The following PLD5 variants were observed in gnomAD, a reference collection of about 807,000 sequenced individuals.
PLD5 encodes the protein phospholipase D family member 5, also known as inactive phospholipase D5.
A neutral mutation model predicts 61.1 loss-of-function variants in PLD5; 36 were observed. The observed-to-expected ratio is 0.59, with a 90% confidence interval of 0.45 to 0.78. PLD5 has a LOEUF of 0.78. Ranked by LOEUF, PLD5 falls within the 30% of genes least tolerant of loss-of-function variation. The pLI, the probability that PLD5 is intolerant of heterozygous loss-of-function variation, is 0.00. For synonymous variants in PLD5, 243 were observed against 242.8 expected, an observed-to-expected ratio of 1.00 and a Z score of -0.01; for missense variants, 515 against 644.4, an observed-to-expected ratio of 0.80 and a Z score of 2.17.
intron 1 of PLD5, among the ~76,000 whole-genome samples, chr1:242,397,769 TTTC>T (rs199697142): frequency 0.27 from 39,370 of 146,890 alleles, 5,251 homozygotes; most frequent in Middle Eastern, 0.37. Context: ...AGCACGTCTT[TTTC>T]TTCTTCTTCT....
At chr1:242,491,457 C>T (rs1668149597) in intron 1 of PLD5, among the ~76,000 whole-genome samples, 1 of 152,194 alleles carries the variant, frequency 6.6e-6, no homozygotes. Context: ...CAACCCTTTA[C>T]AAGGCAAACA....
At position 242,478,577 on chromosome 1, in the gene PLD5, G is replaced by A. The variant is rs984218558; in HGVS notation, c.189+45511C>T. Among the ~76,000 whole-genome samples, 26 of 152,258 alleles carry A rather than the reference G, an allele frequency of 1.7e-4. 1 individual carries two copies. The highest frequency in any genetic ancestry group is 1.6e-3 in the Admixed American group (24 of 15,298). ...AATGTGAAGATCGTAAGTGTGTCTT[G>A]AAAAGGTTCAAGCTTACAAACATAA... On this transcript the variant is annotated intron_variant, in intron 1 of 9. Transcript: ENST00000536534.
At chr1:242,394,898 T>A (rs865790174) in intron 1 of PLD5, among the ~76,000 whole-genome samples, 34 of 102,550 alleles carry the variant, frequency 3.3e-4, no homozygotes, top group South Asian at 6.2e-4. Flanking sequence ...ATATATATGA[T>A]TATATATGAA....
At chr1:242,259,785 A>T (rs1398005864) in intron 4 of PLD5, among the ~76,000 whole-genome samples, 1 of 152,034 alleles carries the variant, frequency 6.6e-6, no homozygotes, top group East Asian at 1.9e-4. Flanking sequence ...TAGTCATATT[A>T]TAGAAAGTAC....
At chr1:242,271,286 A>G (rs1420384529) in intron 3 of PLD5, among the ~76,000 whole-genome samples, 1 of 150,564 alleles carries the variant, frequency 6.6e-6, no homozygotes, top group Non-Finnish European at 1.5e-5. Flanking sequence ...ATATAAATAG[A>G]GGAGATACAG....
intron 5 of PLD5, among the ~76,000 whole-genome samples, chr1:242,150,241 A>G (rs558873866): frequency 9.2e-5 from 14 of 151,526 alleles, no homozygotes; most frequent in African/African-American, 3.1e-4. Context: ...GGCTCTCTTG[A>G]GATATGTTCC....
intron 5 of PLD5, among the ~76,000 whole-genome samples, chr1:242,164,800 G>C (rs1666180049): frequency 6.6e-6 from 1 of 152,140 alleles, no homozygotes; most frequent in African/African-American, 2.4e-5. Flanking sequence ...CAGTTGCTTA[G>C]CACTTCTATA....
At chr1:242,199,682 G>A (rs78960638) in intron 5 of PLD5, among the ~76,000 whole-genome samples, 57 of 152,046 alleles carry the variant, frequency 3.7e-4, no homozygotes, top group African/African-American at 1.3e-3. Flanking sequence ...CCCACCCCTC[G>A]AAGTCCCCAC....
At chr1:242,105,248 G>C (rs950445281) in intron 8 of PLD5, among the ~76,000 whole-genome samples, 3 of 150,350 alleles carry the variant, frequency 2.0e-5, no homozygotes, top group Non-Finnish European at 4.4e-5. Flanking sequence ...TTCAGAGACA[G>C]GGTCTTGCTC....
intron 1 of PLD5, among the ~76,000 whole-genome samples, chr1:242,489,440 A>C (rs1021474498): frequency 2.6e-5 from 4 of 152,036 alleles, no homozygotes; most frequent in Admixed American, 6.6e-5. Flanking sequence ...AGGGAAGGAG[A>C]GACAGAGGAA....
At chr1:242,197,268 G>A (rs545911023) in intron 5 of PLD5, among the ~76,000 whole-genome samples, 35 of 152,126 alleles carry the variant, frequency 2.3e-4, no homozygotes, top group Non-Finnish European at 3.7e-4. Flanking sequence ...TTCCTAAATG[G>A]TTCCCTTATT....
chr1:242,287,880 G>A (rs953035516), intron 3 of PLD5, among the ~76,000 whole-genome samples: 2 of 152,052 alleles, frequency 1.3e-5, no homozygotes, highest in African/African-American at 2.4e-5. Flanking sequence ...TACGACAGTC[G>A]AGAAAAACAA....
chr1:242,483,279 T>C (rs1167846497), intron 1 of PLD5, among the ~76,000 whole-genome samples: 1 of 151,744 alleles, frequency 6.6e-6, no homozygotes, highest in African/African-American at 2.4e-5. Flanking sequence ...GGATAAAGAG[T>C]CAAGACCCAT....
Position 242,090,022 on chromosome 1 carries a change from G to A in PLD5, c.1443C>T (p.Ser481=), listed in dbSNP as rs1659699656. 1 of 1,614,076 alleles carries A rather than the reference G, an allele frequency of 6.2e-7. No individual in the cohort carries two copies. The highest frequency in any genetic ancestry group is 1.3e-5 in the African/African-American group (1 of 74,938). The change falls in exon 10 of 10, where the codon AGC becomes AGT. Residue 481 remains serine (S), a synonymous_variant. Transcript: ENST00000536534. ...INQADVRNNR[S]IIKQLKDVFE... Reference sequence around the variant, plus strand: ...ACACATCTTTAAGTTGCTTAATGATGCTTCTGTTGTTCCTCACATCTGCCT... The same window carrying A: ...ACACATCTTTAAGTTGCTTAATGATACTTCTGTTGTTCCTCACATCTGCCT...
At chr1:242,211,072 A>G (rs750212139) in intron 5 of PLD5, among the ~76,000 whole-genome samples, 74 of 152,240 alleles carry the variant, frequency 4.9e-4, no homozygotes, top group Non-Finnish European at 8.2e-4. Context: ...GAGAAGCTGC[A>G]GTAGTTATCC....
At position 242,083,019 on chromosome 1, in the gene PLD5, TAAGAA is replaced by T. The variant is rs1197615431; in HGVS notation, c.*6830_*6834del. On this transcript the variant is annotated 3_prime_UTR_variant, in exon 10 of 10. Transcript: ENST00000536534. ...ATGTGAGTTTATTTATGTCAATACA[TAAGAA>T]AGGAAGAAAAAAAAAAAGCAACCCA... The T allele has an allele frequency of 6.7e-6, 1 of 148,920 alleles. No homozygotes were observed. Among genetic ancestry groups the T allele is most frequent in the East Asian group, 2.0e-4 (1 of 5,108 alleles). The allele number at this position is 148,920 out of a possible 1,614,324, so 9.2% of individuals were successfully genotyped here.
At chr1:242,204,084 A>G (rs79616465) in intron 5 of PLD5, among the ~76,000 whole-genome samples, 4 of 14,286 alleles carry the variant, frequency 2.8e-4, no homozygotes, top group Non-Finnish European at 4.9e-4. Flanking sequence ...AAAATACAGA[A>G]AAAAAAAAAA....
chr1:242,197,484 C>A lies in PLD5; in HGVS notation c.735+22504G>T, dbSNP rs111890018. Among the ~76,000 whole-genome samples, 793 of 152,264 alleles carry A rather than the reference C, an allele frequency of 5.2e-3. 10 individuals are homozygous for A. The highest frequency in any genetic ancestry group is 0.016 in the South Asian group (78 of 4,820). On this transcript the variant is annotated intron_variant, in intron 5 of 9. Coordinates refer to ENST00000536534, the MANE Select transcript of PLD5 (RefSeq NM_001372062.1). Reference sequence around the variant, plus strand: ...GGTGACTGACTGCCTTTTCTCTGAACCACAAACCACTTCACCTCTGTGCAA... The same window carrying A: ...GGTGACTGACTGCCTTTTCTCTGAAACACAAACCACTTCACCTCTGTGCAA...
chr1:242,515,867 AC>A (rs1175473726), intron 1 of PLD5, among the ~76,000 whole-genome samples: 1 of 152,208 alleles, frequency 6.6e-6, no homozygotes, highest in East Asian at 1.9e-4. Flanking sequence ...TGTAGTAGAT[AC>A]TGCAAAAACA....
Sources: allele counts gnomAD v4.1 joint callset (sites outside exome capture counted in the v4.1 genomes callset), GRCh38; gene constraint gnomAD v4.1.1; transcripts MANE v1.5; gene names NCBI Gene and HGNC (gene_info 2026-07-23, HGNC 2026-07-21).